PLXDC2: variants seen among roughly 807,000 people sequenced by gnomAD.
The protein encoded by PLXDC2 is plexin domain containing 2, also known as plexin domain-containing protein 2.
Under a neutral mutation model 68.9 loss-of-function variants are expected in PLXDC2, and 40 were observed. The ratio of observed to expected loss-of-function variants is 0.58; its 90% CI spans 0.45 to 0.76. The LOEUF (loss-of-function observed/expected upper bound fraction) is 0.76, where lower values mean the gene tolerates loss of function less well. PLXDC2 is among the 30% of genes least tolerant of loss of function. PLXDC2 has a pLI of 0.00. For synonymous variants in PLXDC2, 243 were observed against 234.2 expected, an observed-to-expected ratio of 1.04 and a Z score of -0.34; for missense variants, 644 against 661.9, an observed-to-expected ratio of 0.97 and a Z score of 0.30.
chr10:20,230,693 CAAAAAA>C (rs1191613913), intron 12 of PLXDC2, among the ~76,000 whole-genome samples: 1 of 37,802 alleles, frequency 2.6e-5, no homozygotes. Flanking sequence ...GACCTTGTCT[CAAAAAA>C]AAAAAAAAAA....
intron 1 of PLXDC2, among the ~76,000 whole-genome samples, chr10:19,903,334 TA>T (rs970658634): frequency 2.6e-5 from 4 of 151,584 alleles, no homozygotes; most frequent in African/African-American, 9.7e-5. Context: ...TTTTTTTTTT[TA>T]ATTACCATTT....
intron 2 of PLXDC2, among the ~76,000 whole-genome samples, chr10:20,005,422 C>A (rs771075382): frequency 6.6e-6 from 1 of 152,070 alleles, no homozygotes; most frequent in Non-Finnish European, 1.5e-5. Context: ...CCACTAGTTG[C>A]GGAAACAAAA....
intron 1 of PLXDC2, among the ~76,000 whole-genome samples, chr10:19,911,271 A>G (rs1747426216): frequency 6.6e-6 from 1 of 152,084 alleles, no homozygotes; most frequent in South Asian, 2.1e-4. Flanking sequence ...GATAGTGCTA[A>G]AAACTGAAAT....
intron 9 of PLXDC2, among the ~76,000 whole-genome samples, chr10:20,188,934 TGTTTTTA>T (rs1834721872): frequency 6.6e-6 from 1 of 151,746 alleles, no homozygotes; most frequent in Non-Finnish European, 1.5e-5. Context: ...CTAAGATGGT[TGTTTTTA>T]GCTTACAATG....
intron 9 of PLXDC2, among the ~76,000 whole-genome samples, chr10:20,198,590 T>G (rs889551229): frequency 6.6e-6 from 1 of 152,162 alleles, no homozygotes; most frequent in African/African-American, 2.4e-5. Flanking sequence ...CTCTGGTCAT[T>G]TAACCCTAAG....
In PLXDC2 at chr10:20,101,111, G is replaced by C. The variant is rs540803206; in HGVS notation, c.541+32872G>C. Among the ~76,000 whole-genome samples the C allele has an allele frequency of 3.9e-4, 59 of 152,238 alleles. 3 individuals are homozygous for C. The South Asian group carries it at 0.012, about 31-fold the overall frequency. ...TGTCAAAAGGAAAAATTGTGACAGA[G>C]ATAAGTATTGATGGCATCTGGTTTA... On this transcript the variant is annotated intron_variant, in intron 4 of 13. Coordinates refer to ENST00000377252, the MANE Select transcript of PLXDC2 (RefSeq NM_032812.9).
At chr10:20,124,524 G>A (rs1325401826) in intron 4 of PLXDC2, among the ~76,000 whole-genome samples, 1 of 152,148 alleles carries the variant, frequency 6.6e-6, no homozygotes, top group African/African-American at 2.4e-5. Context: ...CCAAGTCACG[G>A]CACCAAATTT....
intron 1 of PLXDC2, among the ~76,000 whole-genome samples, chr10:19,864,638 T>C (rs1307334386): frequency 1.3e-5 from 2 of 152,224 alleles, no homozygotes; most frequent in Non-Finnish European, 2.9e-5. Context: ...GAGAATTTGC[T>C]AATTCATTTT....
At chr10:20,118,223 A>C (rs2461936) in intron 4 of PLXDC2, among the ~76,000 whole-genome samples, 54,396 of 151,800 alleles carry the variant, frequency 0.36, 11,265 homozygotes, top group Non-Finnish European at 0.49. Context: ...TTTTTCTTTC[A>C]GTTTGCAGTG....
At chr10:20,220,237 A>G (rs148224805) in intron 12 of PLXDC2, among the ~76,000 whole-genome samples, 4 of 152,270 alleles carry the variant, frequency 2.6e-5, no homozygotes, top group African/African-American at 9.6e-5. Flanking sequence ...AATATATTAA[A>G]ATCTTAGGGC....
chr10:19,953,622 G>T (rs12765697), intron 1 of PLXDC2, among the ~76,000 whole-genome samples: 36,334 of 152,100 alleles, frequency 0.24, 5,444 homozygotes, highest in Middle Eastern at 0.38. Flanking sequence ...CATTCTTCTG[G>T]ATTTGTCTAA....
intron 1 of PLXDC2, among the ~76,000 whole-genome samples, chr10:19,965,496 C>A (rs1470416664): frequency 6.6e-6 from 1 of 152,102 alleles, no homozygotes; most frequent in Non-Finnish European, 1.5e-5. Context: ...CACCTGAATT[C>A]CTTAGTATGT....
intron 1 of PLXDC2, among the ~76,000 whole-genome samples, chr10:19,834,866 A>T (rs776453964): frequency 9.9e-5 from 15 of 152,104 alleles, no homozygotes; most frequent in Non-Finnish European, 1.3e-4. Context: ...ATTGTAAGAA[A>T]ATGTGATGTG....
chr10:20,052,461 G>C (rs531211569), intron 3 of PLXDC2, among the ~76,000 whole-genome samples: 1 of 151,860 alleles, frequency 6.6e-6, no homozygotes, highest in South Asian at 2.1e-4. Context: ...CCACATACAC[G>C]TCCACATGCA....
intron 13 of PLXDC2, among the ~76,000 whole-genome samples, chr10:20,247,576 T>A (rs766171583): frequency 1.3e-5 from 2 of 152,186 alleles, no homozygotes; most frequent in Non-Finnish European, 2.9e-5. Context: ...TAGACCATCT[T>A]CCTGCCTCGG....
At chr10:19,899,831 T>G (rs914464394) in intron 1 of PLXDC2, among the ~76,000 whole-genome samples, 1 of 152,144 alleles carries the variant, frequency 6.6e-6, no homozygotes, top group African/African-American at 2.4e-5. Context: ...ATGGGTTAAT[T>G]TGAGTATTTT....
intron 1 of PLXDC2, among the ~76,000 whole-genome samples, chr10:19,914,203 CT>C (rs1249501803): frequency 1.3e-5 from 2 of 151,660 alleles, no homozygotes; most frequent in African/African-American, 4.9e-5. Context: ...AATCATTTTT[CT>C]TTTTTTCATT....
intron 12 of PLXDC2, among the ~76,000 whole-genome samples, chr10:20,243,230 A>G (rs1048346802): frequency 5.3e-5 from 8 of 152,044 alleles, no homozygotes; most frequent in African/African-American, 1.9e-4. Context: ...TACCTTAATA[A>G]TTTTGCAACC....
At chr10:19,900,599 T>A (rs1375907347) in intron 1 of PLXDC2, among the ~76,000 whole-genome samples, 2 of 151,996 alleles carry the variant, frequency 1.3e-5, no homozygotes, top group Non-Finnish European at 2.9e-5. Context: ...CAGGTTTCTT[T>A]TTTATTTATT....
Sources: allele counts gnomAD v4.1 joint callset (sites outside exome capture counted in the v4.1 genomes callset), GRCh38; gene constraint gnomAD v4.1.1; transcripts MANE v1.5; gene names NCBI Gene and HGNC (gene_info 2026-07-23, HGNC 2026-07-21).